MARCHF6: variants seen among roughly 807,000 people sequenced by gnomAD.
MARCHF6 encodes the protein E3 ubiquitin-protein ligase MARCHF6.
MARCHF6 carries 31 observed loss-of-function variants against 133.7 expected under a neutral mutation model. The observed-to-expected ratio is 0.23, with a 90% CI of 0.17 to 0.31. MARCHF6 has a LOEUF of 0.31. MARCHF6 is among the 10% of genes least tolerant of loss of function. MARCHF6 has a pLI of 1.00. For missense variants in MARCHF6, 723 were observed against 1,121.6 expected (o/e 0.64, Z 5.08); for synonymous variants, 395 against 402.5 (o/e 0.98, Z 0.22).
intron 25 of MARCHF6, among the ~76,000 whole-genome samples, chr5:10,432,935 C>T (rs183222173): frequency 1.4e-5 from 2 of 145,302 alleles, no homozygotes; most frequent in Admixed American, 6.9e-5. Context: ...CGGAGTCACA[C>T]TCTGTCACCC....
At chr5:10,397,180 T>C (rs1329707548) in intron 9 of MARCHF6, 113 bp from the exon 10 acceptor site, 10 of 695,958 alleles carry the variant, frequency 1.4e-5, no homozygotes, top group Non-Finnish European at 2.3e-5. Flanking sequence ...AGAGGGAAAA[T>C]TTCAATCTTA....
At chr5:10,422,121 CAT>C (rs1447843461) in intron 22 of MARCHF6, 3 of 152,126 alleles carry the variant, frequency 2.0e-5, no homozygotes, top group Non-Finnish European at 4.4e-5. Context: ...AGCTGTATGA[CAT>C]AGATTTCAGA....
chr5:10,390,402 C>T lies in MARCHF6; in HGVS notation c.478C>T (p.Leu160=). The change falls in exon 6 of 26, where the codon CTG becomes TTG. Residue 160 remains leucine, a synonymous_variant. Coordinates refer to ENST00000274140, the MANE Select transcript of MARCHF6 (RefSeq NM_005885.4). ...GTGCACACTGTGTGCATTCATCAGC[C>T]TGGTGTGGTTGAGAGAGCAGATAGT... ...VTCTLCAFIS[L]VWLREQIVHG... is the part of the protein sequence containing the mutation. 16 of 1,613,700 alleles carry T rather than the reference C, an allele frequency of 9.9e-6. No individual in the cohort carries two copies. The highest frequency in any genetic ancestry group is 1.4e-5 in the Non-Finnish European group (16 of 1,179,964).
chr5:10,403,424 T>A lies in MARCHF6; in HGVS notation c.1215T>A (p.Thr405=). The A allele has an allele frequency of 6.2e-7, 1 of 1,613,654 alleles. No individual in the cohort carries two copies. The highest frequency in any genetic ancestry group is 8.5e-7 in the Non-Finnish European group (1 of 1,179,782). The change falls in exon 15 of 26, where the codon ACT becomes ACA. Residue 405 remains threonine, a synonymous_variant. Coordinates refer to ENST00000274140, the MANE Select transcript of MARCHF6 (RefSeq NM_005885.4). ...DICSLEMFDA[T]LKDRELSFQS... is the part of the protein sequence containing the mutation. ...TGTCTCAGGAAATGTTTGATGCTAC[T>A]CTGAAAGATCGAGAACTGAGCTTTC...
chr5:10,429,751 A>T (rs999876723), intron 24 of MARCHF6, 142 bp from the exon 25 acceptor site: 2 of 657,932 alleles, frequency 3.0e-6, no homozygotes, highest in African/African-American at 1.8e-5. Flanking sequence ...CTCATGACCT[A>T]CACAGATTGT....
At chr5:10,428,211 G>A (rs1740189059) in intron 24 of MARCHF6, among the ~76,000 whole-genome samples, 2 of 152,032 alleles carry the variant, frequency 1.3e-5, no homozygotes, top group South Asian at 4.1e-4. Context: ...TTCCTTCTAA[G>A]TAGAAACTTC....
At chr5:10,387,504 T>C (rs1354883742) in intron 5 of MARCHF6, among the ~76,000 whole-genome samples, 1 of 151,256 alleles carries the variant, frequency 6.6e-6, no homozygotes, top group Non-Finnish European at 1.5e-5. Context: ...GGTTTCACCA[T>C]GTTGGTCACT....
intron 1 of MARCHF6, among the ~76,000 whole-genome samples, chr5:10,366,272 G>T (rs1006732923): frequency 6.6e-6 from 1 of 152,120 alleles, no homozygotes; most frequent in African/African-American, 2.4e-5. Flanking sequence ...TAGTGAATGT[G>T]CACCATTTAT....
intron 17 of MARCHF6, among the ~76,000 whole-genome samples, chr5:10,408,439 G>A (rs1489255318): frequency 1.3e-5 from 2 of 152,166 alleles, no homozygotes; most frequent in Non-Finnish European, 2.9e-5. Context: ...TGATTACTTA[G>A]CTGTTTGTCT....
At chr5:10,381,007 C>T (rs1370286006) in intron 3 of MARCHF6, among the ~76,000 whole-genome samples, 1 of 150,574 alleles carries the variant, frequency 6.6e-6, no homozygotes, top group African/African-American at 2.4e-5. Flanking sequence ...TGATAGTGTT[C>T]TTATAAATTT....
At chr5:10,400,716 G>C (rs1579582534) in intron 10 of MARCHF6, 68 bp from the exon 11 acceptor site, 1 of 1,134,790 alleles carries the variant, frequency 8.8e-7, no homozygotes, top group East Asian at 2.3e-5. Flanking sequence ...CTTTTAGTGG[G>C]GAATTGTAGT....
intron 1 of MARCHF6, among the ~76,000 whole-genome samples, chr5:10,369,068 C>A (rs185223614): frequency 2.0e-5 from 3 of 152,328 alleles, no homozygotes; most frequent in African/African-American, 7.2e-5. Flanking sequence ...CTGCATGCTT[C>A]CACGCCCATT....
chr5:10,367,297 G>C (rs938645093), intron 1 of MARCHF6, among the ~76,000 whole-genome samples: 16 of 152,172 alleles, frequency 1.1e-4, no homozygotes, highest in Admixed American at 8.5e-4. Context: ...TAATGACAAT[G>C]TATCAATATT....
intron 19 of MARCHF6, among the ~76,000 whole-genome samples, chr5:10,413,031 A>G (rs1739317439): frequency 6.6e-6 from 1 of 152,170 alleles, no homozygotes; most frequent in African/African-American, 2.4e-5. Context: ...CAGGAACCAG[A>G]TAATGGAGCA....
At chr5:10,368,115 CTT>C (rs903005288) in intron 1 of MARCHF6, among the ~76,000 whole-genome samples, 1 of 152,162 alleles carries the variant, frequency 6.6e-6, no homozygotes, top group African/African-American at 2.4e-5. Flanking sequence ...AGACTTCACT[CTT>C]TTTGTAGCCT....
At chr5:10,356,352 A>G (rs549287330) in intron 1 of MARCHF6, among the ~76,000 whole-genome samples, 1 of 110,842 alleles carries the variant, frequency 9.0e-6, no homozygotes, top group South Asian at 2.8e-4. Flanking sequence ...TATTTATTTT[A>G]TTTTATTTTA....
Position 10,417,392 on chromosome 5 carries a change from T to G in MARCHF6, c.2271T>G (p.Phe757Leu), listed in dbSNP as rs767337435. The change falls in exon 22 of 26, where the codon TTT (phenylalanine) becomes TTG (leucine). Residue 757 changes from phenylalanine to leucine, a missense_variant. By Grantham distance (22) the Phe-to-Leu change is conservative. This residue lies in a region of MARCHF6 where 492 missense variants were observed against 699.5 expected (regional missense o/e 0.70). Transcript: ENST00000274140. Reference sequence around the variant, plus strand: ...TTCCCTTGGATCAGACTCCTCTTTTTTATCCATGGCAGGTAAATGTATGTC... The same window carrying G: ...TTCCCTTGGATCAGACTCCTCTTTTGTATCCATGGCAGGTAAATGTATGTC... ...LRVPLDQTPLFYPWQDWALGV... is the reference protein window; with the variant it reads ...LRVPLDQTPLLYPWQDWALGV... 29 of 1,613,806 alleles carry G rather than the reference T, an allele frequency of 1.8e-5. No individual in the cohort carries two copies. Among genetic ancestry groups the G allele is most frequent in the Middle Eastern group, 1.7e-4 (1 of 6,056 alleles).
chr5:10,407,417 C>T (rs919101118), intron 17 of MARCHF6, among the ~76,000 whole-genome samples: 6 of 151,668 alleles, frequency 4.0e-5, no homozygotes, highest in African/African-American at 1.5e-4. Flanking sequence ...ATAAATTTTG[C>T]CTTATTTTAG....
intron 5 of MARCHF6, among the ~76,000 whole-genome samples, chr5:10,389,014 A>G (rs956220226): frequency 9.8e-5 from 15 of 152,290 alleles, no homozygotes; most frequent in African/African-American, 3.4e-4. Flanking sequence ...TTCAGGACAT[A>G]TTGCAGACTA....
Sources: gnomAD v4.1 joint callset for allele counts (sites outside exome capture counted in the v4.1 genomes callset) on GRCh38, gnomAD v4.1.1 for gene constraint, gnomAD v4.1.1 regional missense constraint, MANE v1.5 for transcripts, NCBI Gene and HGNC (gene_info 2026-07-23, HGNC 2026-07-21) for gene names.